JCAD: variants seen among roughly 807,000 people sequenced by gnomAD.
JCAD encodes the protein junctional cadherin 5 associated, also known as junctional cadherin 5-associated protein.
In JCAD, 40 loss-of-function variants were observed where a neutral mutation model predicts 98.0. The ratio of observed to expected loss-of-function variants is 0.41; its 90% confidence interval spans 0.32 to 0.53. JCAD has a LOEUF of 0.53. JCAD is among the 20% of genes least tolerant of loss of function. The probability of loss-of-function intolerance (pLI) is 0.31; values close to 1 mark genes in which losing one functional copy is unlikely to be tolerated. For missense variants in JCAD, 1,705 were observed against 1,738.1 expected (o/e 0.98, Z 0.34); for synonymous variants, 691 against 682.3 (o/e 1.01, Z -0.20).
chr10:30,064,265 C>CA (rs1423235266), upstream of JCAD, among the ~76,000 whole-genome samples: 1 of 152,076 alleles, frequency 6.6e-6, no homozygotes, highest in African/African-American at 2.4e-5. Context: ...CATGAGCTAG[C>CA]ATGTGAGCAT....
chr10:30,032,491 T>C (rs1564447156), intron 2 of JCAD, among the ~76,000 whole-genome samples: 1 of 152,196 alleles, frequency 6.6e-6, no homozygotes, highest in African/African-American at 2.4e-5. Flanking sequence ...AACCATTAAC[T>C]GGAAGGAAGT....
intron 2 of JCAD, 78 bp from the exon 3 acceptor site, chr10:30,029,944 C>A: frequency 6.8e-7 from 1 of 1,464,076 alleles, no homozygotes; most frequent in South Asian, 1.4e-5. Flanking sequence ...CATTCGAAGT[C>A]AAACTCAGGT....
chr10:30,095,082 C>A (rs1238797022), intron 1 of JCAD, among the ~76,000 whole-genome samples: 1 of 152,130 alleles, frequency 6.6e-6, no homozygotes, highest in Non-Finnish European at 1.5e-5. Flanking sequence ...TCACCTCATC[C>A]TTTTCCTTAG....
chr10:30,114,004 TCTAC>T (rs1838751248), intron 1 of JCAD, among the ~76,000 whole-genome samples: 1 of 152,222 alleles, frequency 6.6e-6, no homozygotes, highest in Non-Finnish European at 1.5e-5. Flanking sequence ...GAGCATTGTG[TCTAC>T]GACTCGTCAG....
upstream of JCAD, among the ~76,000 whole-genome samples, chr10:30,063,963 C>T (rs1837744780): frequency 6.6e-6 from 1 of 152,088 alleles, no homozygotes; most frequent in African/African-American, 2.4e-5. Flanking sequence ...AGTGCCATCG[C>T]ACCCAGAAAA....
At chr10:30,084,105 GAGAAAGAAAA>G (rs1216014465) in intron 1 of JCAD, among the ~76,000 whole-genome samples, 2 of 147,188 alleles carry the variant, frequency 1.4e-5, no homozygotes, top group African/African-American at 5.0e-5. Flanking sequence ...AAGGGAGAAA[GAGAAAGAAAA>G]AGAAAGAGAA....
At chr10:30,106,827 C>T (rs17229258) in intron 1 of JCAD, among the ~76,000 whole-genome samples, 38,226 of 152,074 alleles carry the variant, frequency 0.25, 5,224 homozygotes, top group East Asian at 0.34. Flanking sequence ...GCTTAAATGC[C>T]TTGCAAAGTG....
chr10:30,078,989 G>A (rs1838028284), intron 1 of JCAD, among the ~76,000 whole-genome samples: 1 of 152,150 alleles, frequency 6.6e-6, no homozygotes, highest in Non-Finnish European at 1.5e-5. Context: ...CCATAAATCT[G>A]GCTCTAGGCT....
In JCAD at chr10:30,059,006, G is replaced by T. The variant is rs1837644755; in HGVS notation, c.-60+476C>A. Among the ~76,000 whole-genome samples the T allele has an allele frequency of 1.3e-5, 2 of 152,126 alleles. No homozygotes were observed. The highest frequency in any genetic ancestry group is 4.1e-4 in the South Asian group (2 of 4,834). On this transcript the variant is annotated intron_variant, in intron 1 of 3. Transcript: ENST00000375377. This position sits in a 1 kb window ranked among gnomAD's most constrained non-coding sequence, Gnocchi z 5.0. ...GGAACTGGGACCTCGGGGACCCAGC[G>T]CGGCGGCTGTCAGCTCTGGGGTGAG...
intron 1 of JCAD, chr10:30,069,860 A>G (rs940919062): frequency 1.3e-5 from 2 of 152,152 alleles, no homozygotes; most frequent in Non-Finnish European, 2.9e-5. Context: ...GTTAGAAAAT[A>G]TCTAGGCTTT....
chr10:30,081,064 G>T lies in JCAD; in HGVS notation n.129-11243C>A, dbSNP rs549695084. 2.0e-5 allele frequency among the ~76,000 whole-genome samples: 3 copies of T among 152,272 alleles called. No homozygotes were observed. The East Asian group carries it at 5.8e-4, about 29-fold the overall frequency. ...GAACAATGGAACATATCTTTTCTCT[G>T]CCCCAAATCTCCTTACTACCGACCA... On this transcript the variant is annotated intron_variant and non_coding_transcript_variant, in intron 1 of 2. Transcript: ENST00000465712.
At chr10:30,025,624 A>G (rs1457777284) in intron 3 of JCAD, among the ~76,000 whole-genome samples, 1 of 140,478 alleles carries the variant, frequency 7.1e-6, no homozygotes, top group Non-Finnish European at 1.5e-5. Context: ...TCCATGGCTT[A>G]TGATGTGGAT....
intron 3 of JCAD, among the ~76,000 whole-genome samples, chr10:30,022,437 C>A (rs2487927): frequency 6.6e-6 from 1 of 151,996 alleles, no homozygotes; most frequent in Non-Finnish European, 1.5e-5. Flanking sequence ...TGATTAAATA[C>A]ATCAAAAGGA....
chr10:30,045,777 CT>C (rs1837323525), intron 2 of JCAD, among the ~76,000 whole-genome samples: 1 of 152,212 alleles, frequency 6.6e-6, no homozygotes. Flanking sequence ...ATTTTCCCCC[CT>C]GAGCCTGGCT....
intron 2 of JCAD, among the ~76,000 whole-genome samples, chr10:30,040,409 T>A (rs1025831065): frequency 6.6e-6 from 1 of 152,228 alleles, no homozygotes; most frequent in African/African-American, 2.4e-5. Flanking sequence ...AATAAGGGCA[T>A]GTCAGATTTT....
chr10:30,089,395 G>T (rs575990353), intron 1 of JCAD, among the ~76,000 whole-genome samples: 1 of 152,056 alleles, frequency 6.6e-6, no homozygotes, highest in African/African-American at 2.4e-5. Flanking sequence ...ACCTCTTCTC[G>T]CCCTGCTCAG....
At position 30,017,053 on chromosome 10, in the gene JCAD, A is replaced by T. The variant is rs989511135; in HGVS notation, c.*830T>A. On this transcript the variant is annotated 3_prime_UTR_variant, in exon 4 of 4. Coordinates refer to ENST00000375377, the MANE Select transcript of JCAD (RefSeq NM_020848.4). Reference sequence around the variant, plus strand: ...CTGCCGCCTAACAATTGTTTACATCATAGAAAAATAGCATTTTCGTAAAAA... The same window carrying T: ...CTGCCGCCTAACAATTGTTTACATCTTAGAAAAATAGCATTTTCGTAAAAA... The T allele has an allele frequency of 2.0e-5, 3 of 152,226 alleles. No individual in the cohort carries two copies. Among genetic ancestry groups the T allele is most frequent in the Admixed American group, 6.5e-5 (1 of 15,286 alleles). The allele number at this position is 152,226 out of a possible 1,614,324, so 9.4% of individuals were successfully genotyped here. A position where few individuals can be genotyped will look rare whatever the true frequency, so the allele number is the denominator to read the frequency against.
chr10:30,047,863 G>T lies in JCAD; in HGVS notation c.-51C>A. The T allele has an allele frequency of 6.5e-7, 1 of 1,548,440 alleles. No individual in the cohort carries two copies. Among genetic ancestry groups the T allele is most frequent in the Non-Finnish European group, 8.7e-7 (1 of 1,144,570 alleles). ...ACCACTGGAACCATGGTGGTGGCAG[G>T]ACCCAGCACTGCAGGACAACAGAGA... On this transcript the variant is annotated 5_prime_UTR_variant, in exon 2 of 4. Transcript: ENST00000375377.
At position 30,017,652 on chromosome 10, in the gene JCAD, A is replaced by T; in HGVS notation, c.*231T>A. On this transcript the variant is annotated 3_prime_UTR_variant, in exon 4 of 4. Transcript: ENST00000375377. ...ACTCCTTCCTAATTATAGGCATTAAATCTTCATGCTATAAAAACAGATGGT... is the reference window on the plus strand; with the variant it reads ...ACTCCTTCCTAATTATAGGCATTAATTCTTCATGCTATAAAAACAGATGGT... 1 of 595,250 alleles carries T rather than the reference A, an allele frequency of 1.7e-6. No homozygotes were observed. Among genetic ancestry groups the T allele is most frequent in the Non-Finnish European group, 2.9e-6 (1 of 340,208 alleles). 36.9% of individuals were successfully genotyped at this position (595,250 alleles called of 1,614,324 possible).
Sources: gnomAD v4.1 joint callset for allele counts (sites outside exome capture counted in the v4.1 genomes callset) on GRCh38, gnomAD v4.1.1 for gene constraint, Gnocchi (gnomAD v3.1) non-coding constraint, MANE v1.5 for transcripts, NCBI Gene and HGNC (gene_info 2026-07-23, HGNC 2026-07-21) for gene names.